ABCC1: variants seen among roughly 807,000 people sequenced by gnomAD.
The protein encoded by ABCC1 is multidrug resistance-associated protein 1.
ABCC1 carries 83 observed loss-of-function variants against 172.9 expected under a neutral mutation model. The ratio of observed to expected loss-of-function variants is 0.48; its 90% CI spans 0.40 to 0.58. The LOEUF (loss-of-function observed/expected upper bound fraction) is 0.58, where lower values mean the gene tolerates loss of function less well. ABCC1 is among the 20% of genes least tolerant of loss of function. ABCC1 has a pLI of 0.00. For synonymous variants in ABCC1, 937 were observed against 825.2 expected, an observed-to-expected ratio of 1.14 and a Z score of -2.32; for missense variants, 1,817 against 2,002.7, an observed-to-expected ratio of 0.91 and a Z score of 1.77.
Position 16,098,885 on chromosome 16 carries a change from T to C in ABCC1, c.2645-3742T>C, listed in dbSNP as rs753677230. 3.0e-6 allele frequency: 4 copies of C among 1,352,002 alleles called. No individual in the cohort carries two copies. In the African/African-American group the frequency reaches 5.9e-5, roughly 20 times the overall value. The allele number at this position is 1,352,002 out of a possible 1,614,324, so 83.8% of individuals were successfully genotyped here. On this transcript the variant is annotated intron_variant, in intron 19 of 30. Coordinates refer to ENST00000399410, the MANE Select transcript of ABCC1 (RefSeq NM_004996.4). ...TCTGAATTCCCAGGCAGCACAGTGA[T>C]GGACGAGGAGGAAGCAGGTCAGTAC...
At chr16:16,047,433 A>T (rs1347461512) in intron 9 of ABCC1, among the ~76,000 whole-genome samples, 2 of 152,102 alleles carry the variant, frequency 1.3e-5, no homozygotes, top group African/African-American at 4.8e-5. Flanking sequence ...CTGGGCCCAG[A>T]GGCATGCATC....
chr16:16,140,625 A>T (rs2046090096), intron 30 of ABCC1, among the ~76,000 whole-genome samples: 1 of 152,212 alleles, frequency 6.6e-6, no homozygotes, highest in Non-Finnish European at 1.5e-5. Context: ...AGGACCTAAA[A>T]TATTAGGGGT....
Position 16,007,913 on chromosome 16 carries a change from G to C in ABCC1, c.146G>C (p.Cys49Ser), listed in dbSNP as rs2047609874. ...GTGCCTTGTTTTTACCTCTGGGCCT[G>C]TTTCCCCTTCTACTTCCTCTATCTC... ...VWVPCFYLWACFPFYFLYLSR... is the reference protein window; with the variant it reads ...VWVPCFYLWASFPFYFLYLSR... The change falls in exon 2 of 31, where the codon TGT becomes TCT. Residue 49 changes from cysteine to serine, a missense_variant. Coordinates refer to ENST00000399410, the MANE Select transcript of ABCC1 (RefSeq NM_004996.4). 1.2e-6 allele frequency: 2 copies of C among 1,612,598 alleles called. No homozygotes were observed. The highest frequency in any genetic ancestry group is 2.2e-5 in the South Asian group (2 of 90,864).
intron 24 of ABCC1, among the ~76,000 whole-genome samples, chr16:16,124,464 G>A (rs2045348333): frequency 1.3e-5 from 2 of 150,172 alleles, no homozygotes; most frequent in African/African-American, 4.9e-5. Context: ...CTATGTGTAT[G>A]TATTTTAAAG....
intron 5 of ABCC1, among the ~76,000 whole-genome samples, chr16:16,027,544 G>A (rs1249624050): frequency 1.3e-5 from 2 of 152,156 alleles, no homozygotes; most frequent in East Asian, 3.8e-4. Flanking sequence ...TGGGCACGGT[G>A]GTTCATGCCT....
At chr16:16,047,598 G>C (rs906456192) in intron 9 of ABCC1, among the ~76,000 whole-genome samples, 2 of 152,114 alleles carry the variant, frequency 1.3e-5, no homozygotes, top group Non-Finnish European at 2.9e-5. Context: ...GGCATGTAGT[G>C]GGTCGAGGCC....
At chr16:16,027,899 C>G (rs2048430947) in intron 5 of ABCC1, among the ~76,000 whole-genome samples, 1 of 152,168 alleles carries the variant, frequency 6.6e-6, no homozygotes, top group Non-Finnish European at 1.5e-5. Context: ...ACTACTACTA[C>G]TCATGTTACC....
At chr16:16,032,542 G>A (rs2048594142) in intron 5 of ABCC1, among the ~76,000 whole-genome samples, 1 of 152,206 alleles carries the variant, frequency 6.6e-6, no homozygotes, top group South Asian at 2.1e-4. Flanking sequence ...ACGAATGAAT[G>A]AAGTGGAGAT....
At chr16:16,082,628 A>C (rs1238496861) in intron 16 of ABCC1, among the ~76,000 whole-genome samples, 2 of 152,146 alleles carry the variant, frequency 1.3e-5, no homozygotes, top group East Asian at 3.8e-4. Context: ...TCCTTCCCGG[A>C]TGTCCCAAAC....
intron 19 of ABCC1, among the ~76,000 whole-genome samples, chr16:16,102,297 A>C (rs1289962832): frequency 6.6e-6 from 1 of 152,196 alleles, no homozygotes; most frequent in Non-Finnish European, 1.5e-5. Flanking sequence ...AGTGAGCTTA[A>C]CATAGCAGGG....
At chr16:16,104,135 A>G (rs1217472616) in intron 20 of ABCC1, among the ~76,000 whole-genome samples, 1 of 152,166 alleles carries the variant, frequency 6.6e-6, no homozygotes, top group Non-Finnish European at 1.5e-5. Context: ...CAGCTCACAA[A>G]GGCAATGTGG....
At position 16,016,498 on chromosome 16, in the gene ABCC1, T is replaced by C. The variant is rs1314758903; in HGVS notation, c.492T>C (p.Asp164=). The C allele has an allele frequency of 5.0e-6, 8 of 1,614,084 alleles. No individual in the cohort carries two copies. Among genetic ancestry groups the C allele is most frequent in the Non-Finnish European group, 5.9e-6 (7 of 1,179,998 alleles). The part of the protein sequence containing the change: ...RSKIMTALKE[D]AQVDLFRDIT... ...TTCCTTCCTTCCCCACCATGTAGGA[T>C]GCCCAGGTGGACCTGTTTCGTGACA... Residue 164 remains aspartate, a splice_region_variant and synonymous_variant, in exon 5 of 31, where the codon GAT becomes GAC. Coordinates refer to ENST00000399410, the MANE Select transcript of ABCC1 (RefSeq NM_004996.4).
At chr16:16,075,586 G>A (rs1228790112) in intron 14 of ABCC1, among the ~76,000 whole-genome samples, 4 of 152,148 alleles carry the variant, frequency 2.6e-5, no homozygotes, top group South Asian at 4.1e-4. Flanking sequence ...GGCCGAGATC[G>A]CACCACTGCG....
intron 17 of ABCC1, among the ~76,000 whole-genome samples, chr16:16,084,301 C>A (rs1268157786): frequency 6.6e-6 from 1 of 151,962 alleles, no homozygotes; most frequent in East Asian, 1.9e-4. Context: ...CAGGGTTTCA[C>A]CATGTTGGCC....
chr16:16,083,235 C>A, intron 16 of ABCC1, 131 bp from the exon 17 acceptor site: 1 of 924,290 alleles, frequency 1.1e-6, no homozygotes, highest in Non-Finnish European at 1.7e-6. Context: ...TTCCCTCTTG[C>A]CAAAGCAATA....
At chr16:16,129,095 G>A (rs933944184) in intron 26 of ABCC1, among the ~76,000 whole-genome samples, 19 of 152,210 alleles carry the variant, frequency 1.2e-4, no homozygotes, top group Non-Finnish European at 4.4e-5. Context: ...TAGCATTCGG[G>A]TGAATTTCCC....
At chr16:16,029,850 G>A (rs2048504389) in intron 5 of ABCC1, among the ~76,000 whole-genome samples, 1 of 152,032 alleles carries the variant, frequency 6.6e-6, no homozygotes, top group African/African-American at 2.4e-5. Flanking sequence ...ACCTTGTCTT[G>A]ACAAAAAACA....
At chr16:16,034,023 C>CTTTT (rs10580146) in intron 6 of ABCC1, among the ~76,000 whole-genome samples, 9,630 of 85,854 alleles carry the variant, frequency 0.11, 1,210 homozygotes, top group African/African-American at 0.2. Context: ...TAAGCATCAT[C>CTTTT]TTTTTTTTTT....
At chr16:16,056,363 T>A (rs1222086580) in intron 12 of ABCC1, 68 bp downstream of exon 12, 3 of 1,553,450 alleles carry the variant, frequency 1.9e-6, no homozygotes, top group Non-Finnish European at 2.6e-6. Context: ...TACCTGAATA[T>A]TTTTAAAAGG....
Sources: allele counts gnomAD v4.1 joint callset (sites outside exome capture counted in the v4.1 genomes callset), GRCh38; gene constraint gnomAD v4.1.1; transcripts MANE v1.5; gene names NCBI Gene and HGNC (gene_info 2026-07-23, HGNC 2026-07-21).